The following TMEM135 variants were observed in gnomAD, a reference collection of about 807,000 sequenced individuals.
TMEM135 encodes the protein transmembrane protein 135.
A neutral mutation model predicts 60.3 loss-of-function variants in TMEM135; 30 were observed. That is an observed-to-expected ratio of 0.50 (90% confidence interval 0.37 to 0.68). The LOEUF (loss-of-function observed/expected upper bound fraction) is 0.68, where lower values mean the gene tolerates loss of function less well. Ranked by LOEUF, TMEM135 falls within the 30% of genes least tolerant of loss-of-function variation. The pLI, the probability that TMEM135 is intolerant of heterozygous loss-of-function variation, is 0.00. For synonymous variants in TMEM135, 190 were observed against 186.7 expected, an observed-to-expected ratio of 1.02 and a Z score of -0.14; for missense variants, 468 against 548.8, an observed-to-expected ratio of 0.85 and a Z score of 1.47.
chr11:87,115,705 A>G (rs1409675045), intron 4 of TMEM135, among the ~76,000 whole-genome samples: 1 of 152,100 alleles, frequency 6.6e-6, no homozygotes, highest in East Asian at 1.9e-4. Flanking sequence ...TTTGTATGAG[A>G]ATTTACTTAT....
intron 14 of TMEM135, 74 bp from the exon 15 acceptor site, chr11:87,321,127 T>C (rs1942812115): frequency 2.0e-5 from 27 of 1,319,644 alleles, no homozygotes; most frequent in Non-Finnish European, 2.7e-5. Flanking sequence ...CCACATAAGA[T>C]AAGTCAACTA....
chr11:87,226,126 A>G (rs1162761671), intron 5 of TMEM135, among the ~76,000 whole-genome samples: 1 of 152,208 alleles, frequency 6.6e-6, no homozygotes, highest in Non-Finnish European at 1.5e-5. Flanking sequence ...TGACCATAAA[A>G]TAGAGGAACC....
intron 4 of TMEM135, among the ~76,000 whole-genome samples, chr11:87,150,400 T>G (rs1437399657): frequency 6.6e-6 from 1 of 152,186 alleles, no homozygotes; most frequent in East Asian, 1.9e-4. Context: ...TACACTGCTA[T>G]TCTTGTTTTG....
At chr11:87,247,378 T>C (rs1159479050) in intron 6 of TMEM135, among the ~76,000 whole-genome samples, 3 of 152,228 alleles carry the variant, frequency 2.0e-5, no homozygotes, top group African/African-American at 7.2e-5. Flanking sequence ...CACTACTGTC[T>C]TCAAAACTGT....
intron 4 of TMEM135, among the ~76,000 whole-genome samples, chr11:87,141,846 A>G (rs564875992): frequency 3.3e-4 from 51 of 152,312 alleles, no homozygotes; most frequent in Non-Finnish European, 4.7e-4. Flanking sequence ...TTTAAAATTT[A>G]ACAAGGAAGG....
chr11:87,305,799 A>G (rs1237402968), intron 8 of TMEM135, 137 bp from the exon 9 acceptor site: 14 of 397,246 alleles, frequency 3.5e-5, no homozygotes, highest in Non-Finnish European at 6.2e-5. Context: ...AAATAAATAA[A>G]TAAATAAAGT....
At chr11:87,275,505 C>A (rs1415716710) in intron 6 of TMEM135, among the ~76,000 whole-genome samples, 1 of 151,924 alleles carries the variant, frequency 6.6e-6, no homozygotes, top group Non-Finnish European at 1.5e-5. Context: ...CCAAATATAT[C>A]ACCCTGTGTA....
intron 5 of TMEM135, among the ~76,000 whole-genome samples, chr11:87,193,260 G>A (rs1565481333): frequency 6.6e-6 from 1 of 152,082 alleles, no homozygotes; most frequent in African/African-American, 2.4e-5. Context: ...TCTAAGTGGG[G>A]GTGTAGTGGT....
intron 5 of TMEM135, among the ~76,000 whole-genome samples, chr11:87,210,768 G>A (rs543125628): frequency 1.3e-5 from 2 of 152,126 alleles, no homozygotes; most frequent in African/African-American, 4.8e-5. Context: ...CTAGTAAAAC[G>A]AATCCAGCAG....
intron 6 of TMEM135, among the ~76,000 whole-genome samples, chr11:87,250,454 T>C (rs1941390465): frequency 6.6e-6 from 1 of 152,064 alleles, no homozygotes; most frequent in Non-Finnish European, 1.5e-5. Flanking sequence ...GCTTTCACTG[T>C]ATTTCATAGA....
chr11:87,064,262 CTTT>C (rs57086268), intron 1 of TMEM135, among the ~76,000 whole-genome samples: 31 of 143,064 alleles, frequency 2.2e-4, no homozygotes, highest in South Asian at 2.2e-4. Flanking sequence ...CGAATGACTC[CTTT>C]TTTTTTTTTT....
chr11:87,319,577 T>C lies in TMEM135; in HGVS notation c.1244+200T>C, dbSNP rs542945880. Among the ~76,000 whole-genome samples, 94 of 152,190 alleles carry C rather than the reference T, an allele frequency of 6.2e-4. 1 individual carries two copies. Among genetic ancestry groups the C allele is most frequent in the African/African-American group, 2.0e-3 (84 of 41,456 alleles). The stretch of plus-strand genomic sequence containing the variant: ...AATATTGTAGATGTTTTAAGTGGTC[T>C]AGATTAATATCATGTTGATTTGCTA... On this transcript the variant is annotated intron_variant, in intron 14 of 14. Coordinates refer to ENST00000305494, the MANE Select transcript of TMEM135 (RefSeq NM_022918.4).
chr11:87,258,389 A>G (rs1291342052), intron 6 of TMEM135, among the ~76,000 whole-genome samples: 2 of 152,124 alleles, frequency 1.3e-5, no homozygotes, highest in Non-Finnish European at 2.9e-5. Flanking sequence ...ATAGGGATTC[A>G]TAGTGGCCAC....
rs1207142941 is a variant in TMEM135, at chr11:87,325,049, G to A, written c.*3716G>A. Reference sequence around the variant, plus strand: ...CCTCCAGCCCTTTACTATTGGTGCTGAAGCCACCATTGGTGCCAGCTCTAT... The same window carrying A: ...CCTCCAGCCCTTTACTATTGGTGCTAAAGCCACCATTGGTGCCAGCTCTAT... On this transcript the variant is annotated 3_prime_UTR_variant, in exon 15 of 15. Transcript: ENST00000305494. The A allele has an allele frequency of 1.1e-5, 5 of 454,034 alleles. No homozygotes were observed. The highest frequency in any genetic ancestry group is 7.0e-5 in the East Asian group (1 of 14,384). 28.1% of individuals were successfully genotyped at this position (454,034 alleles called of 1,614,324 possible). A position where few individuals can be genotyped will look rare whatever the true frequency, so the allele number is the denominator to read the frequency against.
At chr11:87,271,305 A>T (rs995350769) in intron 6 of TMEM135, among the ~76,000 whole-genome samples, 11 of 152,218 alleles carry the variant, frequency 7.2e-5, no homozygotes, top group Non-Finnish European at 1.5e-4. Context: ...GAATTTTTTT[A>T]TGATTTCAAT....
chr11:87,045,276 C>T (rs1330592902), intron 1 of TMEM135, among the ~76,000 whole-genome samples: 4 of 152,138 alleles, frequency 2.6e-5, no homozygotes, highest in Admixed American at 1.3e-4. Context: ...GTGATCCGCC[C>T]GCCTCGGCCT....
At chr11:87,146,759 G>T (rs1409079316) in intron 4 of TMEM135, among the ~76,000 whole-genome samples, 1 of 152,082 alleles carries the variant, frequency 6.6e-6, no homozygotes, top group African/African-American at 2.4e-5. Flanking sequence ...ATTAATACCT[G>T]CATTGACCAC....
chr11:87,201,734 A>C (rs1259803658), intron 5 of TMEM135, among the ~76,000 whole-genome samples: 1 of 152,196 alleles, frequency 6.6e-6, no homozygotes, highest in Admixed American at 6.5e-5. Flanking sequence ...GAAAACTGAC[A>C]TGAAAAATTA....
Position 87,309,530 on chromosome 11 carries a change from G to C in TMEM135, c.794G>C (p.Gly265Ala), listed in dbSNP as rs1420955585. ...IKGFIRMFSV[G>A]YLIQCCLRIP... ...GGTTTCATCAGAATGTTTAGCGTGG[G>C]GTACTTGATCCAGTGCTGCCTCCGA... The change falls in exon 10 of 15, where the codon GGG becomes GCG. Residue 265 changes from glycine to alanine, a missense_variant. Coordinates refer to ENST00000305494, the MANE Select transcript of TMEM135 (RefSeq NM_022918.4). 1 of 1,613,700 alleles carries C rather than the reference G, an allele frequency of 6.2e-7. No homozygotes were observed. The highest frequency in any genetic ancestry group is 8.5e-7 in the Non-Finnish European group (1 of 1,179,772).
Sources: allele counts gnomAD v4.1 joint callset (sites outside exome capture counted in the v4.1 genomes callset), GRCh38; gene constraint gnomAD v4.1.1; transcripts MANE v1.5; gene names NCBI Gene and HGNC (gene_info 2026-07-23, HGNC 2026-07-21).